The following LETM1 variants were observed in gnomAD, a reference collection of about 807,000 sequenced individuals.
The protein encoded by LETM1 is mitochondrial proton/calcium exchanger protein.
A neutral mutation model predicts 74.5 loss-of-function variants in LETM1; 50 were observed. The ratio of observed to expected loss-of-function variants is 0.67; its 90% confidence interval spans 0.53 to 0.85. The LOEUF (loss-of-function observed/expected upper bound fraction) is 0.85. Ranked by LOEUF, LETM1 falls within the 40% of genes least tolerant of loss-of-function variation. The pLI is 0.00. For missense variants in LETM1, 824 were observed against 967.8 expected (o/e 0.85, Z 1.97); for synonymous variants, 446 against 407.1 (o/e 1.10, Z -1.15).
intron 2 of LETM1, among the ~76,000 whole-genome samples, chr4:1,848,270 C>T (rs951327311): frequency 1.6e-4 from 25 of 151,964 alleles, no homozygotes; most frequent in Admixed American, 2.6e-4. Context: ...CAGGTGCGGC[C>T]GGACGCGGTG....
intron 11 of LETM1, among the ~76,000 whole-genome samples, chr4:1,819,009 A>C (rs750209767): frequency 1.7e-4 from 25 of 151,436 alleles, no homozygotes; most frequent in Non-Finnish European, 2.9e-4. Context: ...GCTTGAACCC[A>C]GGAGGTGGAG....
chr4:1,819,253 G>A (rs1332094444), intron 11 of LETM1, 85 bp downstream of exon 11: 9 of 1,321,668 alleles, frequency 6.8e-6, no homozygotes, highest in East Asian at 2.4e-5. Context: ...AGTATCTGAC[G>A]GAAGTATTAT....
chr4:1,837,908 T>C (rs1459341685), intron 3 of LETM1, among the ~76,000 whole-genome samples: 1 of 151,950 alleles, frequency 6.6e-6, no homozygotes, highest in East Asian at 1.9e-4. Context: ...GGTTTCACTA[T>C]GTTGGCCAGG....
At chr4:1,830,283 T>A (rs1345753433) in intron 6 of LETM1, among the ~76,000 whole-genome samples, 1 of 152,200 alleles carries the variant, frequency 6.6e-6, no homozygotes, top group African/African-American at 2.4e-5. Flanking sequence ...CCACCCAGGT[T>A]TTGACTTTAG....
chr4:1,848,323 C>T (rs1486843176), intron 2 of LETM1, among the ~76,000 whole-genome samples: 1 of 152,016 alleles, frequency 6.6e-6, no homozygotes, highest in African/African-American at 2.4e-5. Flanking sequence ...CCATGGCGGG[C>T]GGATCACGAG....
intron 2 of LETM1, among the ~76,000 whole-genome samples, chr4:1,842,265 C>G (rs1240106245): frequency 6.6e-6 from 1 of 152,166 alleles, no homozygotes; most frequent in Non-Finnish European, 1.5e-5. Context: ...ACAAGTCCTG[C>G]AAATCAGTAA....
chr4:1,842,961 C>G (rs79005311), intron 2 of LETM1: 4,401 of 316,048 alleles, frequency 0.014, 187 homozygotes, highest in African/African-American at 0.091. Context: ...ACTAGAAACT[C>G]CCCTGCTGAT....
At position 1,825,662 on chromosome 4, in the gene LETM1, C is replaced by A. The variant is rs759144341; in HGVS notation, c.1102G>T (p.Asp368Tyr). ...DDKLIAEEGV[D>Y]SLNVKELQAA... ...TGCAGCTCCTTGACATTCAGGCTGT[C>A]CACCCCTTCCTCAGCAATCAGCTAG... is the stretch of plus-strand genomic sequence containing the variant. The change falls in exon 7 of 14, where the codon GAC becomes TAC. Residue 368 changes from aspartate to tyrosine, a missense_variant. This residue lies in a region of LETM1 where 269 missense variants were observed against 348.8 expected (regional missense o/e 0.77). Transcript: ENST00000302787. 1 of 1,613,750 alleles carries A rather than the reference C, an allele frequency of 6.2e-7. No individual in the cohort carries two copies. Among genetic ancestry groups the A allele is most frequent in the South Asian group, 1.1e-5 (1 of 91,066 alleles).
At chr4:1,822,939 G>A in intron 9 of LETM1, 49 bp downstream of exon 9, 1 of 1,342,840 alleles carries the variant, frequency 7.4e-7, no homozygotes, top group Non-Finnish European at 9.6e-7. Flanking sequence ...TTTCTAGGGA[G>A]GCTGGCTCAG....
In LETM1 at chr4:1,856,105, C is replaced by G; in HGVS notation, c.-155G>C. On this transcript the variant is annotated 5_prime_UTR_variant, in exon 1 of 14. Transcript: ENST00000302787. ...GGACGGGAGGCGCTCTCCTCAAGGA[C>G]CCGGCACCAGCGGCGGCCTTGTCCC... The G allele has an allele frequency of 2.6e-6, 1 of 380,424 alleles. No homozygotes were observed. Among genetic ancestry groups the G allele is most frequent in the Non-Finnish European group, 4.4e-6 (1 of 225,992 alleles). The allele number at this position is 380,424 out of a possible 1,614,324, so 23.6% of individuals were successfully genotyped here.
rs953384999 is a variant in LETM1, at chr4:1,856,019, G to A, written c.-69C>T. ...TTCTCCGCGGCGGCCGCGGCTCTTC[G>A]CCGTCCCGGCGGCGCTTCAGACCCG... On this transcript the variant is annotated 5_prime_UTR_variant, in exon 1 of 14. Coordinates refer to ENST00000302787, the MANE Select transcript of LETM1 (RefSeq NM_012318.3). 3.8e-6 allele frequency: 4 copies of A among 1,040,502 alleles called. No homozygotes were observed. The highest frequency in any genetic ancestry group is 2.4e-6 in the Non-Finnish European group (2 of 823,792). 64.5% of individuals were successfully genotyped at this position (1,040,502 alleles called of 1,614,324 possible). A position where few individuals can be genotyped will look rare whatever the true frequency, so the allele number is the denominator to read the frequency against.
intron 8 of LETM1, 46 bp downstream of exon 8, chr4:1,823,598 C>T (rs755759102): frequency 1.2e-6 from 2 of 1,608,354 alleles, no homozygotes; most frequent in Non-Finnish European, 1.7e-6. Flanking sequence ...AAGAGCGGAG[C>T]CACCTATGAA....
intron 4 of LETM1, among the ~76,000 whole-genome samples, chr4:1,835,860 T>C (rs1712447884): frequency 6.6e-6 from 1 of 152,062 alleles, no homozygotes; most frequent in Admixed American, 6.5e-5. Flanking sequence ...AGAGGATTAC[T>C]TGTGCCCAGG....
At chr4:1,833,231 C>T in intron 5 of LETM1, 1 of 415,946 alleles carries the variant, frequency 2.4e-6, no homozygotes, top group Admixed American at 3.7e-5. Flanking sequence ...CCACCACACC[C>T]AGCTAATTTT....
At chr4:1,846,558 C>G (rs1012846721) in intron 2 of LETM1, 2 of 152,232 alleles carry the variant, frequency 1.3e-5, no homozygotes, top group Non-Finnish European at 2.9e-5. Flanking sequence ...AGCCACCGTG[C>G]CCGGCCAGCA....
rs111908411 is a variant in LETM1 at position 1,816,515 on chromosome 4, G to A, written c.1931+212C>T. Among the ~76,000 whole-genome samples the A allele has an allele frequency of 2.1e-3, 313 of 152,302 alleles. 1 individual carries two copies. Among genetic ancestry groups the A allele is most frequent in the African/African-American group, 7.2e-3 (301 of 41,554 alleles). Reference sequence around the variant, plus strand: ...GAGGGGGCTGTGGGAAGAGGAAGAGGGGCCAGGAAGGGACGAACTGCTCTC... The same window carrying A: ...GAGGGGGCTGTGGGAAGAGGAAGAGAGGCCAGGAAGGGACGAACTGCTCTC... On this transcript the variant is annotated intron_variant, in intron 12 of 13. Transcript: ENST00000302787.
At position 1,811,607 on chromosome 4, in the gene LETM1, G is replaced by A. The variant is rs1165148774; in HGVS notation, c.*2817C>T. The A allele has an allele frequency of 2.0e-5, 3 of 152,344 alleles. No individual in the cohort carries two copies. Among genetic ancestry groups the A allele is most frequent in the Admixed American group, 1.3e-4 (2 of 15,278 alleles). The allele number at this position is 152,344 out of a possible 1,614,324, so 9.4% of individuals were successfully genotyped here. On this transcript the variant is annotated 3_prime_UTR_variant, in exon 14 of 14. Coordinates refer to ENST00000302787, the MANE Select transcript of LETM1 (RefSeq NM_012318.3). ...CTGAAGGATTTACAAAGACAGAGCC[G>A]GCTCACCAGCACACTCCTGCCAGCA...
intron 1 of LETM1, among the ~76,000 whole-genome samples, chr4:1,850,621 C>T (rs1713035864): frequency 1.5e-5 from 2 of 132,220 alleles, no homozygotes; most frequent in African/African-American, 6.0e-5. Flanking sequence ...GCAGCCTGGG[C>T]GACAGAGCAA....
At chr4:1,840,572 CAGG>C (rs1238040832) in intron 3 of LETM1, among the ~76,000 whole-genome samples, 1 of 151,120 alleles carries the variant, frequency 6.6e-6, no homozygotes, top group African/African-American at 2.4e-5. Context: ...GAGGCTGAGG[CAGG>C]AGAATGGTGT....
Sources: allele counts gnomAD v4.1 joint callset (sites outside exome capture counted in the v4.1 genomes callset), GRCh38; gene constraint gnomAD v4.1.1; regional missense constraint gnomAD v4.1.1; transcripts MANE v1.5; gene names NCBI Gene and HGNC (gene_info 2026-07-23, HGNC 2026-07-21).